Variants in GSDMC observed in about 807,000 individuals in gnomAD.
GSDMC encodes the protein gasdermin C.
In GSDMC, 59 loss-of-function variants were observed where a neutral mutation model predicts 58.0. The ratio of observed to expected loss-of-function variants is 1.02; its 90% confidence interval spans 0.82 to 1.26. The LOEUF is 1.26. Ranked by LOEUF, GSDMC falls within the 50% of genes most tolerant of loss-of-function variation. The pLI is 0.00. For synonymous variants in GSDMC, 241 were observed against 220.2 expected, an observed-to-expected ratio of 1.09 and a Z score of -0.83; for missense variants, 659 against 598.5, an observed-to-expected ratio of 1.10 and a Z score of -1.06.
chr8:129,772,967 C>T (rs1190499215), intron 3 of GSDMC, among the ~76,000 whole-genome samples: 1 of 152,128 alleles, frequency 6.6e-6, no homozygotes, highest in Non-Finnish European at 1.5e-5. Flanking sequence ...TCAACATTTG[C>T]AAATCAATAA....
At chr8:129,760,184 T>C (rs909555558) in intron 6 of GSDMC, among the ~76,000 whole-genome samples, 26 of 152,124 alleles carry the variant, frequency 1.7e-4, no homozygotes, top group African/African-American at 6.3e-4. Flanking sequence ...CACATACAGA[T>C]ATAAGTATGC....
At chr8:129,776,999 GC>G (rs1402502434) in intron 2 of GSDMC, among the ~76,000 whole-genome samples, 21 of 151,694 alleles carry the variant, frequency 1.4e-4, no homozygotes, top group African/African-American at 5.1e-4. Context: ...CGAACTCCTG[GC>G]CTCAAGTGAT....
At chr8:129,751,776 A>G in intron 9 of GSDMC, 86 bp downstream of exon 9, 1 of 1,402,752 alleles carries the variant, frequency 7.1e-7, no homozygotes, top group Non-Finnish European at 1.0e-6. Flanking sequence ...GGTGGTGGCA[A>G]AGGCGAGGCA....
downstream of GSDMC, among the ~76,000 whole-genome samples, chr8:129,745,110 A>G (rs1439039364): frequency 6.6e-6 from 1 of 152,234 alleles, no homozygotes; most frequent in Non-Finnish European, 1.5e-5. Context: ...CAAGCCCATG[A>G]AAATTGCTTT....
chr8:129,756,902 A>G (rs2033461375), intron 6 of GSDMC, among the ~76,000 whole-genome samples: 1 of 152,184 alleles, frequency 6.6e-6, no homozygotes, highest in Admixed American at 6.5e-5. Flanking sequence ...GGACAAAGCA[A>G]AGCAGTACAA....
In GSDMC at chr8:129,751,613, A is replaced by G. The variant is rs201195215; in HGVS notation, c.917-45T>C. On this transcript the variant is annotated intron_variant, in intron 9 of 13. Transcript: ENST00000276708. ...ATCATCTCACTTCCTCATCCCCCCA[A>G]ATTTGCTTTTCAGATGTTTTGGAGG... 186 of 1,595,006 alleles carry G rather than the reference A, an allele frequency of 1.2e-4. No homozygotes were observed. The African/African-American group carries it at 2.0e-3, about 17-fold the overall frequency.
chr8:129,761,546 T>C (rs1023860464), intron 5 of GSDMC, among the ~76,000 whole-genome samples: 6 of 152,226 alleles, frequency 3.9e-5, no homozygotes, highest in Non-Finnish European at 1.5e-5. Flanking sequence ...TGTAGGGTCT[T>C]CTTTTATCTG....
Position 129,751,486 on chromosome 8 carries a change from C to T in GSDMC, c.943+56G>A, listed in dbSNP as rs543790172. 3.2e-5 allele frequency: 48 copies of T among 1,479,384 alleles called. No homozygotes were observed. The African/African-American group carries it at 6.4e-4, about 20-fold the overall frequency. 91.6% of individuals were successfully genotyped at this position (1,479,384 alleles called of 1,614,324 possible). A position where few individuals can be genotyped will look rare whatever the true frequency, so the allele number is the denominator to read the frequency against. ...TGCATAGAAACCACCAACTTGGGTG[C>T]TCAGACTTGCAGCTCCCACCCAGAA... On this transcript the variant is annotated intron_variant, in intron 10 of 13. Coordinates refer to ENST00000276708, the MANE Select transcript of GSDMC (RefSeq NM_031415.3).
At chr8:129,771,068 A>T (rs2034032991) in intron 3 of GSDMC, among the ~76,000 whole-genome samples, 1 of 150,554 alleles carries the variant, frequency 6.6e-6, no homozygotes, top group Non-Finnish European at 1.5e-5. Flanking sequence ...TATGTCAGAT[A>T]AAATGGACTT....
At chr8:129,735,713 T>A in the GSDMC span, among the ~76,000 whole-genome samples, 422 of 152,280 alleles carry the variant, frequency 2.8e-3, 6 homozygotes, top group Admixed American at 0.021. Flanking sequence ...AGGCAAGATC[T>A]AAAATTGACA....
intron 3 of GSDMC, among the ~76,000 whole-genome samples, chr8:129,774,469 G>A (rs553030284): frequency 2.1e-4 from 31 of 151,100 alleles, no homozygotes; most frequent in African/African-American, 7.5e-4. Context: ...CAGGGGGAAA[G>A]TTCCTCAAGA....
intron 5 of GSDMC, among the ~76,000 whole-genome samples, chr8:129,761,973 C>G (rs2033679697): frequency 1.3e-5 from 2 of 152,122 alleles, no homozygotes. Context: ...AAAATGAGCT[C>G]TAGCTGGGAC....
chr8:129,784,587 A>G (rs935958275), intron 1 of GSDMC, among the ~76,000 whole-genome samples: 3 of 152,116 alleles, frequency 2.0e-5, no homozygotes, highest in Non-Finnish European at 4.4e-5. Flanking sequence ...CTAAAAGACA[A>G]GTAATAAAAA....
intron 6 of GSDMC, among the ~76,000 whole-genome samples, chr8:129,755,847 C>A (rs899057942): frequency 2.6e-5 from 4 of 151,082 alleles, no homozygotes; most frequent in Non-Finnish European, 5.9e-5. Flanking sequence ...CTTACAGTAA[C>A]CTCAAATCAA....
In GSDMC at chr8:129,755,230, C is replaced by A. The variant is rs73406812; in HGVS notation, c.722-2410G>T. 4.7e-3 allele frequency among the ~76,000 whole-genome samples: 716 copies of A among 152,120 alleles called. 6 individuals are homozygous for A. The highest frequency in any genetic ancestry group is 0.016 in the African/African-American group (673 of 41,520). ...TCTTAAAGCAGCAAGGAAAAAGAAACAAATAGCATACAATGGAGTTGCAAT... is the reference window on the plus strand; with the variant it reads ...TCTTAAAGCAGCAAGGAAAAAGAAAAAAATAGCATACAATGGAGTTGCAAT... On this transcript the variant is annotated intron_variant, in intron 6 of 13. Coordinates refer to ENST00000276708, the MANE Select transcript of GSDMC (RefSeq NM_031415.3).
chr8:129,781,261 C>A lies in GSDMC; in HGVS notation c.-4-3670G>T, dbSNP rs558987625. Among the ~76,000 whole-genome samples, 3 of 152,052 alleles carry A rather than the reference C, an allele frequency of 2.0e-5. No homozygotes were observed. The South Asian group carries it at 6.2e-4, about 32-fold the overall frequency. On this transcript the variant is annotated intron_variant, in intron 1 of 13. Transcript: ENST00000276708. ...GGTTGAATTAATTAAAAAAACAAGA[C>A]CCAATGATCTGTTACCTACAAGAAA...
At chr8:129,747,086 C>CAAA (rs879490530), downstream of GSDMC, among the ~76,000 whole-genome samples, 12 of 108,456 alleles carry the variant, frequency 1.1e-4, no homozygotes, top group African/African-American at 4.0e-4. Flanking sequence ...CCTGTCTGTA[C>CAAA]AAAAAAAAAA....
In GSDMC at chr8:129,748,532, A is replaced by G. The variant is rs748360610; in HGVS notation, c.1496T>C (p.Leu499Pro). The G allele has an allele frequency of 2.5e-6, 4 of 1,611,704 alleles. No individual in the cohort carries two copies. The highest frequency in any genetic ancestry group is 2.5e-6 in the Non-Finnish European group (3 of 1,178,896). The change falls in exon 14 of 14, where the codon CTC (leucine) becomes CCC (proline). Residue 499 changes from leucine to proline, a missense_variant. Coordinates refer to ENST00000276708, the MANE Select transcript of GSDMC (RefSeq NM_031415.3). ...CTCAGCCAGCTGCTGCAGCAACGAG[A>G]GAGTCCCATAGAGGGCAGACAGGGG... ...KMPLSALYGT[L>P]SLLQQLAEA
the GSDMC span, among the ~76,000 whole-genome samples, chr8:129,713,532 A>C: frequency 1.3e-5 from 2 of 152,152 alleles, no homozygotes; most frequent in African/African-American, 2.4e-5. Flanking sequence ...TTCTGCTGTC[A>C]CTGAGGAGCC....
Sources: allele counts gnomAD v4.1 joint callset (sites outside exome capture counted in the v4.1 genomes callset), GRCh38; gene constraint gnomAD v4.1.1; transcripts MANE v1.5; gene names NCBI Gene and HGNC (gene_info 2026-07-23, HGNC 2026-07-21).